TSPEAR: variants seen among roughly 807,000 people sequenced by gnomAD.
TSPEAR encodes the protein thrombospondin type laminin G domain and EAR repeats, also known as thrombospondin-type laminin G domain and EAR repeat-containing protein.
A neutral mutation model predicts 71.6 loss-of-function variants in TSPEAR; 69 were observed. The observed-to-expected ratio is 0.96, with a 90% confidence interval of 0.79 to 1.18. The LOEUF (loss-of-function observed/expected upper bound fraction) is 1.18, where lower values mean the gene tolerates loss of function less well. Among genes scored for constraint, TSPEAR ranks in the 50% most tolerant of loss-of-function variants. TSPEAR has a pLI of 0.00. For synonymous variants in TSPEAR, 402 were observed against 387.2 expected (o/e 1.04, Z -0.45); for missense variants, 971 against 894.9 (o/e 1.09, Z -1.09).
At chr21:44,650,371 A>C (rs1002639773) in intron 1 of TSPEAR, among the ~76,000 whole-genome samples, 9 of 98,634 alleles carry the variant, frequency 9.1e-5, no homozygotes, top group African/African-American at 3.7e-4. Context: ...TTTTTATAAA[A>C]AGGCAAAATT....
chr21:44,659,297 TGATGATACACCCTAAGCACAAGCAC>T (rs1555943220), intron 1 of TSPEAR, among the ~76,000 whole-genome samples: 10 of 21,358 alleles, frequency 4.7e-4, no homozygotes, highest in Admixed American at 9.0e-4. Context: ...GCACAAGCAC[TGATGATACACCCTAAGCACAAGCAC>T]TGATACACCC....
intron 1 of TSPEAR, among the ~76,000 whole-genome samples, chr21:44,673,201 G>T (rs151049342): frequency 6.6e-6 from 1 of 152,302 alleles, no homozygotes; most frequent in African/African-American, 2.4e-5. Context: ...ACTAACAGTG[G>T]ATTTCTCAGC....
chr21:44,683,149 T>C (rs1986691557), intron 1 of TSPEAR, among the ~76,000 whole-genome samples: 1 of 151,828 alleles, frequency 6.6e-6, no homozygotes, highest in African/African-American at 2.4e-5. Flanking sequence ...CAATTCAGAA[T>C]AGGATTTTTA....
chr21:44,521,851 T>C (rs782596197), intron 9 of TSPEAR, 32 bp downstream of exon 9: 79 of 1,593,606 alleles, frequency 5.0e-5, no homozygotes, highest in Non-Finnish European at 6.6e-5. Context: ...TGGCCAGCAA[T>C]GGAGAGCCGG....
chr21:44,672,941 C>T (rs1403743969), intron 1 of TSPEAR, among the ~76,000 whole-genome samples: 1 of 152,344 alleles, frequency 6.6e-6, no homozygotes, highest in South Asian at 2.1e-4. Flanking sequence ...GGCTTCCCAA[C>T]CCACGCTCCT....
chr21:44,522,190 A>C (rs1219108139), intron 8 of TSPEAR, 78 bp from the exon 9 acceptor site: 132 of 1,407,186 alleles, frequency 9.4e-5, no homozygotes, highest in Non-Finnish European at 1.3e-4. Context: ...GGCAGAGCCC[A>C]GTCCAAGTCC....
At position 44,612,670 on chromosome 21, in the gene TSPEAR, G is replaced by A. The variant is rs1981786311; in HGVS notation, c.83-44665C>T. 2 of 1,614,098 alleles carry A rather than the reference G, an allele frequency of 1.2e-6. No individual in the cohort carries two copies. Among genetic ancestry groups the A allele is most frequent in the South Asian group, 1.1e-5 (1 of 91,074 alleles). On this transcript the variant is annotated intron_variant, in intron 1 of 11. Coordinates refer to ENST00000323084, the MANE Select transcript of TSPEAR (RefSeq NM_144991.3). This position sits in a 1 kb window ranked among gnomAD's most constrained non-coding sequence, Gnocchi z 4.1. ...GGGCTTCCTCTCTGTGCTGCCAGAAGTCTAGCTGCCAGCCGGCTTGCTGCA... is the reference window on the plus strand; with the variant it reads ...GGGCTTCCTCTCTGTGCTGCCAGAAATCTAGCTGCCAGCCGGCTTGCTGCA...
chr21:44,573,873 C>G (rs1555923093), intron 1 of TSPEAR: 3 of 1,613,460 alleles, frequency 1.9e-6, no homozygotes, highest in South Asian at 1.1e-5. Flanking sequence ...CTGCTGCGAG[C>G]CCCCCTGCTG....
At chr21:44,547,802 G>C (rs1357129677) in intron 2 of TSPEAR, among the ~76,000 whole-genome samples, 1 of 150,774 alleles carries the variant, frequency 6.6e-6, no homozygotes, top group Non-Finnish European at 1.5e-5. Flanking sequence ...CTTCCTGCTT[G>C]CACCTTTACT....
intron 1 of TSPEAR, chr21:44,647,268 G>A (rs375196067): frequency 3.6e-5 from 58 of 1,601,852 alleles, no homozygotes; most frequent in Non-Finnish European, 4.7e-5. Context: ...GCTGCCGCCC[G>A]GCCTCCTGCG....
intron 1 of TSPEAR, among the ~76,000 whole-genome samples, chr21:44,651,979 C>CT (rs60867977): frequency 0.05 from 6,254 of 124,272 alleles, 210 homozygotes; most frequent in Non-Finnish European, 0.069. Context: ...ATAAAACTTT[C>CT]TTTTTTTTTT....
intron 1 of TSPEAR, among the ~76,000 whole-genome samples, chr21:44,698,668 C>T (rs1987504620): frequency 6.6e-6 from 1 of 152,234 alleles, no homozygotes; most frequent in Non-Finnish European, 1.5e-5. Context: ...TGGCTCGCTC[C>T]ACCTGCAGCC....
intron 1 of TSPEAR, among the ~76,000 whole-genome samples, chr21:44,694,318 A>AG (rs1987239824): frequency 6.6e-6 from 1 of 152,290 alleles, no homozygotes; most frequent in East Asian, 1.9e-4. Flanking sequence ...CACAAAAAAA[A>AG]CAAATATTGT....
At chr21:44,557,770 T>G in intron 2 of TSPEAR, 1 of 494,112 alleles carries the variant, frequency 2.0e-6, no homozygotes, top group Admixed American at 3.5e-5. Flanking sequence ...GTTTGCCAGA[T>G]ATGCAAAAAA....
intron 1 of TSPEAR, chr21:44,580,233 AGCTAGACTGCTGGCAGCAT>A (rs782704200): frequency 1.2e-6 from 2 of 1,613,956 alleles, no homozygotes; most frequent in African/African-American, 2.7e-5. Flanking sequence ...GTTGGCTGGC[AGCTAGACTGCTGGCAGCAT>A]GAAGAGGAAT....
In TSPEAR at chr21:44,551,520, G is replaced by T; in HGVS notation, c.303+16265C>A. 4 of 1,539,626 alleles carry T rather than the reference G, an allele frequency of 2.6e-6. 1 individual carries two copies. The highest frequency in any genetic ancestry group is 3.5e-6 in the Non-Finnish European group (4 of 1,140,882). The stretch of plus-strand genomic sequence containing the variant: ...TGAGTGAGTGAGTGTGTGTGTGAGT[G>T]TGTGAGTGAGTGTGTGTGTGAGCCT... On this transcript the variant is annotated intron_variant, in intron 2 of 11. Transcript: ENST00000323084.
At chr21:44,649,230 C>T (rs1984627558) in intron 1 of TSPEAR, among the ~76,000 whole-genome samples, 2 of 152,178 alleles carry the variant, frequency 1.3e-5, no homozygotes, top group African/African-American at 2.4e-5. Context: ...CTGCAGACAC[C>T]CTCGCCCAGT....
chr21:44,589,656 C>T (rs1374256069), intron 1 of TSPEAR, among the ~76,000 whole-genome samples: 1 of 152,192 alleles, frequency 6.6e-6, no homozygotes, highest in African/African-American at 2.4e-5. Flanking sequence ...GTGAGACCCC[C>T]CCACCAGGAG....
At chr21:44,608,473 A>G (rs1372399196) in intron 1 of TSPEAR, among the ~76,000 whole-genome samples, 1 of 152,244 alleles carries the variant, frequency 6.6e-6, no homozygotes, top group African/African-American at 2.4e-5. Context: ...TACAAAAACA[A>G]AAGCCAGTTA....
Sources: gnomAD v4.1 joint callset for allele counts (sites outside exome capture counted in the v4.1 genomes callset) on GRCh38, gnomAD v4.1.1 for gene constraint, Gnocchi (gnomAD v3.1) non-coding constraint, MANE v1.5 for transcripts, NCBI Gene and HGNC (gene_info 2026-07-23, HGNC 2026-07-21) for gene names.